Variants in TMEM132D observed in about 807,000 individuals in gnomAD.
TMEM132D encodes the protein mature OL transmembrane protein.
In TMEM132D, 21 loss-of-function variants were observed where a neutral mutation model predicts 62.3. The observed-to-expected ratio is 0.34, with a 90% CI of 0.24 to 0.49. TMEM132D has a LOEUF of 0.49. Among genes scored for constraint, TMEM132D ranks in the 20% least tolerant of loss-of-function variants. The pLI, the probability that TMEM132D is intolerant of heterozygous loss-of-function variation, is 0.99. For missense variants in TMEM132D, 1,346 were observed against 1,402.8 expected, an observed-to-expected ratio of 0.96 and a Z score of 0.65; for synonymous variants, 621 against 575.6, an observed-to-expected ratio of 1.08 and a Z score of -1.13.
chr12:129,765,847 G>A lies in TMEM132D; in HGVS notation c.80-65149C>T, dbSNP rs1457511417. Among the ~76,000 whole-genome samples the A allele has an allele frequency of 2.6e-5, 4 of 152,218 alleles. No individual in the cohort carries two copies. The East Asian group carries it at 7.7e-4, about 29-fold the overall frequency. On this transcript the variant is annotated intron_variant, in intron 1 of 8. Transcript: ENST00000422113. ...GAGAGTCATGATTTTGCCCTTCTTT[G>A]AAGATCTTCTTTTAACATGGCCGAT... is the stretch of plus-strand genomic sequence containing the variant.
chr12:129,876,326 A>G (rs1593195662), intron 1 of TMEM132D, among the ~76,000 whole-genome samples: 1 of 152,320 alleles, frequency 6.6e-6, no homozygotes, highest in East Asian at 1.9e-4. Flanking sequence ...TGATCCTAAC[A>G]AAGTCCAAAA....
intron 2 of TMEM132D, among the ~76,000 whole-genome samples, chr12:129,679,945 G>C (rs917695141): frequency 2.0e-5 from 3 of 152,116 alleles, no homozygotes; most frequent in South Asian, 2.1e-4. Context: ...TGCTCAACTT[G>C]AACAACTCTG....
chr12:129,409,680 C>T (rs143237657), intron 3 of TMEM132D, among the ~76,000 whole-genome samples: 1 of 152,298 alleles, frequency 6.6e-6, no homozygotes, highest in African/African-American at 2.4e-5. Flanking sequence ...CATTTCTTTG[C>T]ATATAGAGTG....
At chr12:129,304,717 G>T (rs906584305) in intron 4 of TMEM132D, among the ~76,000 whole-genome samples, 16 of 131,634 alleles carry the variant, frequency 1.2e-4, no homozygotes, top group African/African-American at 4.6e-4. Context: ...AGGCTGGAAT[G>T]CAGTGTCGCA....
chr12:129,704,933 T>C (rs264468), intron 1 of TMEM132D, among the ~76,000 whole-genome samples: 5,397 of 152,300 alleles, frequency 0.035, 264 homozygotes, highest in African/African-American at 0.099. Context: ...AGAGCCTTTG[T>C]TGTTTTGTAA....
chr12:129,185,940 C>A (rs1049863579), intron 5 of TMEM132D, among the ~76,000 whole-genome samples: 1 of 152,160 alleles, frequency 6.6e-6, no homozygotes, highest in South Asian at 2.1e-4. Flanking sequence ...TTCTTTTGCT[C>A]TGACAACACC....
chr12:129,640,555 A>G (rs1879617788), intron 2 of TMEM132D, among the ~76,000 whole-genome samples: 1 of 152,162 alleles, frequency 6.6e-6, no homozygotes, highest in Non-Finnish European at 1.5e-5. Flanking sequence ...GGAAATGCTA[A>G]GGTGTTGGGC....
intron 1 of TMEM132D, among the ~76,000 whole-genome samples, chr12:129,805,092 A>G (rs1324659171): frequency 5.3e-5 from 8 of 149,710 alleles, no homozygotes; most frequent in Non-Finnish European, 3.0e-5. Context: ...GGAAGAATCA[A>G]TATCGTGAAA....
chr12:129,542,994 T>C (rs1876624122), intron 2 of TMEM132D, among the ~76,000 whole-genome samples: 1 of 152,006 alleles, frequency 6.6e-6, no homozygotes, highest in Admixed American at 6.6e-5. Flanking sequence ...TATGTTTGTG[T>C]ACTCCATGAT....
At chr12:129,688,713 A>C (rs1258489468) in intron 2 of TMEM132D, among the ~76,000 whole-genome samples, 1 of 151,964 alleles carries the variant, frequency 6.6e-6, no homozygotes, top group Non-Finnish European at 1.5e-5. Context: ...ATTATACTAG[A>C]TAATGAAGAA....
In TMEM132D at chr12:129,879,588, TGGTGGAAAA is replaced by T. The variant is rs1221961681; in HGVS notation, c.79+23664_79+23672del. 5.9e-5 allele frequency among the ~76,000 whole-genome samples: 9 copies of T among 152,010 alleles called. 1 individual carries two copies. The South Asian group carries it at 8.3e-4, about 14-fold the overall frequency. On this transcript the variant is annotated intron_variant, in intron 1 of 8. Transcript: ENST00000422113. ...CTCCAGGTGCCATGCCAGGAGACGA[TGGTGGAAAA>T]GGTGGAAAAGGTGGACAACTCTGAA...
chr12:129,222,610 T>C (rs1351848569), intron 4 of TMEM132D, among the ~76,000 whole-genome samples: 1 of 152,170 alleles, frequency 6.6e-6, no homozygotes, highest in African/African-American at 2.4e-5. Context: ...TTTTGATTTC[T>C]CTATTGGCTG....
intron 2 of TMEM132D, among the ~76,000 whole-genome samples, chr12:129,593,172 G>A (rs1878241900): frequency 6.6e-6 from 1 of 152,156 alleles, no homozygotes; most frequent in South Asian, 2.1e-4. Flanking sequence ...AAAAATCAGG[G>A]AAATTAAATG....
chr12:129,655,844 A>G lies in TMEM132D; in HGVS notation c.968+43966T>C, dbSNP rs562619890. Among the ~76,000 whole-genome samples, 9 of 152,322 alleles carry G rather than the reference A, an allele frequency of 5.9e-5. No homozygotes were observed. In the South Asian group the frequency reaches 1.7e-3, roughly 28 times the overall value. On this transcript the variant is annotated intron_variant, in intron 2 of 8. Coordinates refer to ENST00000422113, the MANE Select transcript of TMEM132D (RefSeq NM_133448.3). Reference sequence around the variant, plus strand: ...TAATGCTATATTATGAAAGAAATGCAAACACACAGAAGGAAGGGGACATGT... The same window carrying G: ...TAATGCTATATTATGAAAGAAATGCGAACACACAGAAGGAAGGGGACATGT...
chr12:129,710,706 A>G (rs768861888), intron 1 of TMEM132D, among the ~76,000 whole-genome samples: 23 of 152,214 alleles, frequency 1.5e-4, no homozygotes, highest in South Asian at 4.1e-4. Context: ...GATCACTTTT[A>G]AAACTTGAAT....
At chr12:129,654,706 C>T (rs1880026311) in intron 2 of TMEM132D, among the ~76,000 whole-genome samples, 1 of 152,142 alleles carries the variant, frequency 6.6e-6, no homozygotes, top group African/African-American at 2.4e-5. Context: ...CACAACCTCC[C>T]AAGGCCAGTG....
At chr12:129,878,447 CA>C (rs1334385122) in intron 1 of TMEM132D, among the ~76,000 whole-genome samples, 2 of 152,178 alleles carry the variant, frequency 1.3e-5, no homozygotes, top group Non-Finnish European at 2.9e-5. Flanking sequence ...CCCAAGGCTC[CA>C]TGTCGCTGGT....
At chr12:129,724,642 C>A (rs527829734) in intron 1 of TMEM132D, among the ~76,000 whole-genome samples, 1 of 152,302 alleles carries the variant, frequency 6.6e-6, no homozygotes, top group Non-Finnish European at 1.5e-5. Flanking sequence ...CCTGCCTCAG[C>A]CTCCTGAGTA....
chr12:129,217,319 C>T (rs535921536), intron 4 of TMEM132D, among the ~76,000 whole-genome samples: 61 of 152,284 alleles, frequency 4.0e-4, no homozygotes, highest in African/African-American at 1.4e-3. Context: ...CAACATACCA[C>T]ATGTTCTCAC....
Sources: allele counts gnomAD v4.1 joint callset (sites outside exome capture counted in the v4.1 genomes callset), GRCh38; gene constraint gnomAD v4.1.1; transcripts MANE v1.5; gene names NCBI Gene and HGNC (gene_info 2026-07-23, HGNC 2026-07-21).